Variants in ATP13A5 observed in about 807,000 individuals in gnomAD.
ATP13A5 encodes the protein probable cation-transporting ATPase 13A5.
ATP13A5 carries 149 observed loss-of-function variants against 150.2 expected under a neutral mutation model. The ratio of observed to expected loss-of-function variants is 0.99; its 90% CI spans 0.87 to 1.14. The LOEUF is 1.14. ATP13A5 is among the 50% of genes most tolerant of loss of function. The pLI is 0.00. For missense variants in ATP13A5, 1,383 were observed against 1,449.3 expected, an observed-to-expected ratio of 0.95 and a Z score of 0.74; for synonymous variants, 497 against 522.2, an observed-to-expected ratio of 0.95 and a Z score of 0.66.
chr3:193,298,632 T>C (rs1424766852), intron 25 of ATP13A5, among the ~76,000 whole-genome samples: 3 of 152,150 alleles, frequency 2.0e-5, no homozygotes, highest in Non-Finnish European at 2.9e-5. Flanking sequence ...AGCTCCTTGA[T>C]AGGAAATACT....
At chr3:193,298,884 C>T (rs1718279767) in intron 25 of ATP13A5, among the ~76,000 whole-genome samples, 1 of 152,116 alleles carries the variant, frequency 6.6e-6, no homozygotes, top group African/African-American at 2.4e-5. Context: ...AGACATAAAA[C>T]TACAAAGAAC....
chr3:193,350,838 T>C (rs1712536277), intron 7 of ATP13A5, among the ~76,000 whole-genome samples: 2 of 152,324 alleles, frequency 1.3e-5, no homozygotes, highest in African/African-American at 4.8e-5. Context: ...AGAGTGCTTC[T>C]AAACAAAGCA....
At chr3:193,360,411 C>G (rs773804735) in intron 5 of ATP13A5, among the ~76,000 whole-genome samples, 11 of 152,176 alleles carry the variant, frequency 7.2e-5, no homozygotes, top group Non-Finnish European at 1.3e-4. Context: ...ATCTTATGCA[C>G]TTGCTTTTTA....
At chr3:193,361,198 A>G (rs1172864434) in intron 5 of ATP13A5, among the ~76,000 whole-genome samples, 2 of 152,250 alleles carry the variant, frequency 1.3e-5, no homozygotes, top group African/African-American at 4.8e-5. Flanking sequence ...ATATTTTAAT[A>G]ACTCTAAAAA....
In ATP13A5 at chr3:193,378,726, C is replaced by T. The variant is rs369200955; in HGVS notation, c.-1G>A. On this transcript the variant is annotated 5_prime_UTR_variant, in exon 1 of 30. Transcript: ENST00000342358. ...GGTCCTTCTTACTGTTCTCTTCCAT[C>T]TGAACTCAACCGGCGAGGATCTCTT... 4 of 1,613,716 alleles carry T rather than the reference C, an allele frequency of 2.5e-6. No homozygotes were observed. Among genetic ancestry groups the T allele is most frequent in the Non-Finnish European group, 3.4e-6 (4 of 1,179,656 alleles).
At chr3:193,374,981 G>C (rs1713589950) in intron 1 of ATP13A5, among the ~76,000 whole-genome samples, 1 of 152,004 alleles carries the variant, frequency 6.6e-6, no homozygotes, top group Admixed American at 6.6e-5. Flanking sequence ...CACCAGGTGT[G>C]GTCCCTTGAC....
rs188072960 is a variant in ATP13A5 at position 193,294,415 on chromosome 3, G to A, written c.2849-4356C>T. 1.3e-3 allele frequency among the ~76,000 whole-genome samples: 192 copies of A among 152,152 alleles called. 1 individual carries two copies. Among genetic ancestry groups the A allele is most frequent in the Non-Finnish European group, 2.2e-3 (148 of 67,964 alleles). On this transcript the variant is annotated intron_variant, in intron 25 of 29. Coordinates refer to ENST00000342358, the MANE Select transcript of ATP13A5 (RefSeq NM_198505.4). The stretch of plus-strand genomic sequence containing the variant: ...GCAAAACAAGCTCCTTAAAAATGCC[G>A]CTACACAAAATAGAGTCAAATTGGA...
At chr3:193,330,459 C>G (rs920506735) in intron 12 of ATP13A5, among the ~76,000 whole-genome samples, 2 of 152,270 alleles carry the variant, frequency 1.3e-5, no homozygotes, top group Admixed American at 6.5e-5. Context: ...CACTGCTTTA[C>G]AGCAGTTAAA....
intron 27 of ATP13A5, chr3:193,281,092 G>A (rs1484198295): frequency 4.4e-6 from 3 of 684,402 alleles, no homozygotes; most frequent in Admixed American, 6.3e-5. Flanking sequence ...GAGGCAGACA[G>A]AAGAAAAGTA....
chr3:193,378,225 A>G (rs781139545), intron 1 of ATP13A5, among the ~76,000 whole-genome samples: 1 of 152,174 alleles, frequency 6.6e-6, no homozygotes, highest in Non-Finnish European at 1.5e-5. Flanking sequence ...CTCTGCGCTT[A>G]TAAAAAGCAT....
chr3:193,359,384 TTCTC>T (rs367611908), intron 5 of ATP13A5, among the ~76,000 whole-genome samples: 1 of 150,860 alleles, frequency 6.6e-6, no homozygotes, highest in Non-Finnish European at 1.5e-5. Flanking sequence ...CTCTCTGTCC[TTCTC>T]TCTCTCTCTC....
chr3:193,342,026 C>T (rs181524929), intron 9 of ATP13A5, among the ~76,000 whole-genome samples: 5 of 152,318 alleles, frequency 3.3e-5, no homozygotes, highest in Admixed American at 1.3e-4. Context: ...CAATTCTGAT[C>T]CTTTCACTTG....
chr3:193,344,855 T>C, intron 8 of ATP13A5, 148 bp downstream of exon 8: 1 of 757,888 alleles, frequency 1.3e-6, no homozygotes, highest in Non-Finnish European at 2.2e-6. Context: ...AAATTTTCTA[T>C]CTTAGAGGGC....
intron 13 of ATP13A5, 112 bp downstream of exon 13, chr3:193,326,884 C>T: frequency 1.1e-6 from 1 of 899,688 alleles, no homozygotes; most frequent in Non-Finnish European, 1.8e-6. Context: ...TTCCAGCCAA[C>T]TATTGTATAT....
chr3:193,301,214 A>G lies in ATP13A5; in HGVS notation c.2772T>C (p.Tyr924=). 6.2e-7 allele frequency: 1 copy of G among 1,609,854 alleles called. No homozygotes were observed. The highest frequency in any genetic ancestry group is 8.5e-7 in the Non-Finnish European group (1 of 1,176,866). Residue 924 remains tyrosine (Y), a synonymous_variant, in exon 24 of 30, where the codon TAT becomes TAC. Coordinates refer to ENST00000342358, the MANE Select transcript of ATP13A5 (RefSeq NM_198505.4). ...IIQFISALLL[Y]WQLQLFGNYQ... ...ACAAAATGATTTTGTTTCATACCCA[A>G]TAGAGCAGTAATGCACTGATAAACT...
chr3:193,328,050 A>G (rs374869520), intron 12 of ATP13A5, among the ~76,000 whole-genome samples: 3 of 152,236 alleles, frequency 2.0e-5, no homozygotes, highest in African/African-American at 4.8e-5. Flanking sequence ...GCTTTACAGG[A>G]AAGTGTTTAC....
intron 7 of ATP13A5, among the ~76,000 whole-genome samples, chr3:193,346,435 G>A (rs1412874005): frequency 6.6e-6 from 1 of 152,114 alleles, no homozygotes; most frequent in Non-Finnish European, 1.5e-5. Context: ...CTGACTGTTG[G>A]GGCAACATCA....
chr3:193,362,146 T>C (rs961504186), intron 5 of ATP13A5, among the ~76,000 whole-genome samples: 4 of 152,222 alleles, frequency 2.6e-5, no homozygotes, highest in African/African-American at 9.6e-5. Context: ...AGATGATTGC[T>C]CTACAAGCCT....
At chr3:193,307,452 ATGTGATTTG>A (rs1718662508) in intron 21 of ATP13A5, 83 bp from the exon 22 acceptor site, 4 of 1,532,678 alleles carry the variant, frequency 2.6e-6, no homozygotes, top group Non-Finnish European at 3.6e-6. Context: ...ACTAAGTCAC[ATGTGATTTG>A]TGTGTATGTG....
Sources: gnomAD v4.1 joint callset for allele counts (sites outside exome capture counted in the v4.1 genomes callset) on GRCh38, gnomAD v4.1.1 for gene constraint, MANE v1.5 for transcripts, NCBI Gene and HGNC (gene_info 2026-07-23, HGNC 2026-07-21) for gene names.